Variants in ASB5 observed in about 807,000 individuals in gnomAD.
ASB5 encodes the protein ankyrin repeat and SOCS box protein 5.
A neutral mutation model predicts 42.1 loss-of-function variants in ASB5; 45 were observed. The observed-to-expected ratio is 1.07, with a 90% CI of 0.84 to 1.37. ASB5 has a LOEUF of 1.37. Among genes scored for constraint, ASB5 ranks in the 40% most tolerant of loss-of-function variants. The probability of loss-of-function intolerance (pLI) is 0.00; values close to 1 mark genes in which losing one functional copy is unlikely to be tolerated. For synonymous variants in ASB5, 147 were observed against 150.6 expected (o/e 0.98, Z 0.18); for missense variants, 402 against 399.8 (o/e 1.01, Z -0.05).
intron 1 of ASB5, among the ~76,000 whole-genome samples, chr4:176,246,936 T>TA (rs202087884): frequency 1.3e-5 from 2 of 152,202 alleles, no homozygotes; most frequent in East Asian, 1.9e-4. Flanking sequence ...ACTTTTCACA[T>TA]AAAAAATCCC....
intron 2 of ASB5, among the ~76,000 whole-genome samples, chr4:176,275,017 C>T (rs1043093608): frequency 6.7e-6 from 1 of 148,836 alleles, no homozygotes; most frequent in Non-Finnish European, 1.5e-5. Context: ...CAGGTTCAAG[C>T]GATTCTCCTG....
At chr4:176,250,076 A>AAAAAAG (rs1270758438) in intron 1 of ASB5, among the ~76,000 whole-genome samples, 1 of 145,398 alleles carries the variant, frequency 6.9e-6, no homozygotes, top group African/African-American at 2.5e-5. Context: ...AAAAAAAAAA[A>AAAAAAG]AAAAAGAAAA....
chr4:176,240,102 G>T (rs914384847), intron 1 of ASB5, among the ~76,000 whole-genome samples: 3 of 152,140 alleles, frequency 2.0e-5, no homozygotes, highest in African/African-American at 7.2e-5. Flanking sequence ...AGAGAGCACT[G>T]TGAAATCTCG....
chr4:176,229,129 TCA>T (rs1219394586), intron 1 of ASB5, among the ~76,000 whole-genome samples: 1 of 152,230 alleles, frequency 6.6e-6, no homozygotes, highest in Non-Finnish European at 1.5e-5. Context: ...TTTATAATGA[TCA>T]GTTTCCCTCT....
At chr4:176,237,411 C>A (rs1314899188) in intron 1 of ASB5, 3 of 985,720 alleles carry the variant, frequency 3.0e-6, no homozygotes, top group African/African-American at 3.5e-5. Flanking sequence ...GCAATATCTG[C>A]GGACATAGTT....
chr4:176,249,337 C>A (rs556917732), intron 1 of ASB5: 2 of 152,102 alleles, frequency 1.3e-5, no homozygotes, highest in Admixed American at 1.3e-4. Flanking sequence ...TTCCCAGTTG[C>A]GGCGTATTTT....
intron 1 of ASB5, among the ~76,000 whole-genome samples, chr4:176,248,787 A>G (rs1314108200): frequency 6.6e-6 from 1 of 152,220 alleles, no homozygotes; most frequent in Non-Finnish European, 1.5e-5. Context: ...CCATATCAAT[A>G]TGAGATGTAT....
intron 1 of ASB5, among the ~76,000 whole-genome samples, chr4:176,260,644 G>A (rs1283867976): frequency 6.6e-6 from 1 of 152,108 alleles, no homozygotes; most frequent in Non-Finnish European, 1.5e-5. Context: ...AGCTGATAAT[G>A]TTTTGTTTTG....
At chr4:176,223,360 T>C (rs1430080978) in intron 2 of ASB5, among the ~76,000 whole-genome samples, 12 of 152,248 alleles carry the variant, frequency 7.9e-5, no homozygotes. Flanking sequence ...ATCATTATAA[T>C]GCCCAGCATA....
At chr4:176,241,447 A>T (rs966815737) in intron 1 of ASB5, 7 of 1,518,630 alleles carry the variant, frequency 4.6e-6, no homozygotes, top group African/African-American at 1.4e-5. Context: ...GAGAAATCCT[A>T]AGGTTTTCTT....
Position 176,214,431 on chromosome 4 carries a change from AT to A in ASB5, c.*1168del, listed in dbSNP as rs1418723684. 3.9e-5 allele frequency: 6 copies of A among 152,122 alleles called. No individual in the cohort carries two copies. Among genetic ancestry groups the A allele is most frequent in the African/African-American group, 1.2e-4 (5 of 41,452 alleles). 9.4% of individuals were successfully genotyped at this position (152,122 alleles called of 1,614,324 possible). On this transcript the variant is annotated 3_prime_UTR_variant, in exon 7 of 7. Transcript: ENST00000296525. ...GGCATAAAATTTTATTAAGTTTTTTATTGCACTCAAGTATAGTTAAAGCTGA... is the reference window on the plus strand; with the variant it reads ...GGCATAAAATTTTATTAAGTTTTTTATGCACTCAAGTATAGTTAAAGCTGA...
At position 176,269,136 on chromosome 4, in the gene ASB5, T is replaced by C; in HGVS notation, c.-28A>G. 6.3e-7 allele frequency: 1 copy of C among 1,593,412 alleles called. No individual in the cohort carries two copies. The highest frequency in any genetic ancestry group is 8.6e-7 in the Non-Finnish European group (1 of 1,167,806). ...CTGCAGAAGAATCTGCGGCGGTCTTTAGTTGGATCCAAGTCTCAAATGTGC... is the reference window on the plus strand; with the variant it reads ...CTGCAGAAGAATCTGCGGCGGTCTTCAGTTGGATCCAAGTCTCAAATGTGC... On this transcript the variant is annotated 5_prime_UTR_variant, in exon 1 of 7. Coordinates refer to ENST00000296525, the MANE Select transcript of ASB5 (RefSeq NM_080874.4).
At chr4:176,260,212 G>C (rs1560820601) in intron 1 of ASB5, among the ~76,000 whole-genome samples, 1 of 152,124 alleles carries the variant, frequency 6.6e-6, no homozygotes, top group Non-Finnish European at 1.5e-5. Context: ...GTTCGAAAGG[G>C]GGAAGGGGAC....
At chr4:176,267,164 A>G (rs755266238) in intron 1 of ASB5, among the ~76,000 whole-genome samples, 2 of 152,236 alleles carry the variant, frequency 1.3e-5, no homozygotes, top group Non-Finnish European at 2.9e-5. Flanking sequence ...CCATGAGGGT[A>G]AATTTTACCA....
At chr4:176,249,816 C>A (rs932484844) in intron 1 of ASB5, among the ~76,000 whole-genome samples, 24 of 151,796 alleles carry the variant, frequency 1.6e-4, no homozygotes, top group South Asian at 4.2e-4. Context: ...CTGTAATCCC[C>A]GCACTTTGGG....
intron 2 of ASB5, among the ~76,000 whole-genome samples, 155 bp from the exon 3 acceptor site, chr4:176,222,575 A>G (rs1266974667): frequency 6.6e-6 from 1 of 152,226 alleles, no homozygotes; most frequent in Non-Finnish European, 1.5e-5. Context: ...CAAATGCCAT[A>G]GGGTCAATCC....
At chr4:176,252,065 CAA>C (rs1168453149) in intron 1 of ASB5, among the ~76,000 whole-genome samples, 7 of 51,672 alleles carry the variant, frequency 1.4e-4, no homozygotes, top group Admixed American at 2.4e-4. Context: ...GACCTTGTCT[CAA>C]AAAAAAAAAA....
intron 1 of ASB5, among the ~76,000 whole-genome samples, chr4:176,245,121 T>C (rs938539353): frequency 5.9e-5 from 9 of 152,228 alleles, no homozygotes; most frequent in South Asian, 2.1e-4. Flanking sequence ...TATGCAAACA[T>C]AATGAAACAC....
chr4:176,237,375 C>G, intron 1 of ASB5: 6 of 985,848 alleles, frequency 6.1e-6, no homozygotes, highest in Non-Finnish European at 7.2e-6. Context: ...TTCGTGAGGA[C>G]CTGCTTAATG....
Sources: allele counts gnomAD v4.1 joint callset (sites outside exome capture counted in the v4.1 genomes callset), GRCh38; gene constraint gnomAD v4.1.1; transcripts MANE v1.5; gene names NCBI Gene and HGNC (gene_info 2026-07-23, HGNC 2026-07-21).